The following PTPRN2 variants were observed in gnomAD, a reference collection of about 807,000 sequenced individuals.
PTPRN2 encodes the protein protein tyrosine phosphatase receptor type N2, also known as receptor-type tyrosine-protein phosphatase N2.
In PTPRN2, 74 loss-of-function variants were observed where a neutral mutation model predicts 118.8. The ratio of observed to expected loss-of-function variants is 0.62; its 90% CI spans 0.52 to 0.76. PTPRN2 has a LOEUF of 0.76. Ranked by LOEUF, PTPRN2 falls within the 30% of genes least tolerant of loss-of-function variation. PTPRN2 has a pLI of 0.00. For synonymous variants in PTPRN2, 641 were observed against 608.0 expected (o/e 1.05, Z -0.80); for missense variants, 1,481 against 1,394.4 (o/e 1.06, Z -0.99).
intron 12 of PTPRN2, among the ~76,000 whole-genome samples, chr7:157,835,040 A>G (rs929277782): frequency 6.6e-6 from 1 of 152,228 alleles, no homozygotes; most frequent in African/African-American, 2.4e-5. Context: ...GAAGCTGGAT[A>G]GATTTCTCTT....
intron 14 of PTPRN2, among the ~76,000 whole-genome samples, chr7:157,655,678 C>T (rs1424076610): frequency 6.6e-6 from 1 of 152,212 alleles, no homozygotes; most frequent in African/African-American, 2.4e-5. Context: ...CACGGTCACC[C>T]ACCAGGACGA....
Position 158,544,888 on chromosome 7 carries a change from A to G in PTPRN2, c.112+42670T>C, listed in dbSNP as rs935900839. On this transcript the variant is annotated intron_variant, in intron 1 of 22. Coordinates refer to ENST00000389418, the MANE Select transcript of PTPRN2 (RefSeq NM_002847.5). The surrounding 1 kb of genome is among the most constrained non-coding windows in gnomAD (Gnocchi z 4.2). ...TCTGCTAACACTTACACCTGCCCAC[A>G]CTGGTGCTCACACTCACGTGATCAC... 1.3e-5 allele frequency among the ~76,000 whole-genome samples: 2 copies of G among 152,104 alleles called. No individual in the cohort carries two copies. Among genetic ancestry groups the G allele is most frequent in the African/African-American group, 4.8e-5 (2 of 41,418 alleles).
At chr7:158,358,060 T>C (rs1808531754) in intron 2 of PTPRN2, among the ~76,000 whole-genome samples, 1 of 152,194 alleles carries the variant, frequency 6.6e-6, no homozygotes, top group African/African-American at 2.4e-5. Flanking sequence ...CTCCTTAGAA[T>C]GGAAGGCCCA....
intron 12 of PTPRN2, among the ~76,000 whole-genome samples, chr7:157,778,518 TATGTAAAC>T (rs1204222540): frequency 6.6e-6 from 1 of 150,944 alleles, no homozygotes; most frequent in African/African-American, 2.4e-5. Context: ...ATCGAATGCC[TATGTAAAC>T]ATGTACATGT....
At chr7:158,362,949 G>A (rs1467463950) in intron 2 of PTPRN2, among the ~76,000 whole-genome samples, 4 of 152,174 alleles carry the variant, frequency 2.6e-5, no homozygotes, top group Non-Finnish European at 4.4e-5. Context: ...TCAAAACGAC[G>A]CCACTGGAGA....
intron 1 of PTPRN2, chr7:158,532,888 C>G: frequency 4.0e-6 from 2 of 501,638 alleles, no homozygotes; most frequent in Middle Eastern, 1.2e-3. Flanking sequence ...CTTGATGGCT[C>G]AGGGACGGCC....
intron 14 of PTPRN2, among the ~76,000 whole-genome samples, chr7:157,630,961 C>A (rs555564609): frequency 2.0e-5 from 3 of 152,304 alleles, no homozygotes; most frequent in African/African-American, 7.2e-5. Flanking sequence ...ATGAAACTGG[C>A]AAAAGCCTCC....
intron 6 of PTPRN2, among the ~76,000 whole-genome samples, chr7:158,151,892 G>A (rs74389981): frequency 0.1 from 15,226 of 152,166 alleles, 1,056 homozygotes; most frequent in African/African-American, 0.2. Flanking sequence ...CCATGAATGC[G>A]GCCGGGCGCG....
At chr7:158,163,445 G>C (rs1822556865) in intron 6 of PTPRN2, among the ~76,000 whole-genome samples, 1 of 151,216 alleles carries the variant, frequency 6.6e-6, no homozygotes, top group South Asian at 2.1e-4. Flanking sequence ...GGTGACGCCT[G>C]TACCGGGTTC....
intron 11 of PTPRN2, among the ~76,000 whole-genome samples, chr7:157,985,750 C>G (rs1471358683): frequency 6.6e-6 from 1 of 152,228 alleles, no homozygotes; most frequent in South Asian, 2.1e-4. Flanking sequence ...TGCTCTTGAA[C>G]AAACTCCTGA....
At chr7:157,700,810 G>A (rs531617616) in intron 12 of PTPRN2, among the ~76,000 whole-genome samples, 1 of 152,252 alleles carries the variant, frequency 6.6e-6, no homozygotes, top group Non-Finnish European at 1.5e-5. Context: ...GTCAGCGGCC[G>A]CGAGGGCACC....
At chr7:158,408,423 G>A (rs1170043678) in intron 2 of PTPRN2, among the ~76,000 whole-genome samples, 3 of 152,208 alleles carry the variant, frequency 2.0e-5, no homozygotes, top group Non-Finnish European at 4.4e-5. Context: ...ACTTTTAAGA[G>A]AAGAAGAGGA....
intron 1 of PTPRN2, among the ~76,000 whole-genome samples, chr7:158,531,365 C>T (rs1449565650): frequency 6.6e-6 from 1 of 152,246 alleles, no homozygotes; most frequent in African/African-American, 2.4e-5. Context: ...GGCTGCCACC[C>T]TCCATGAACT....
intron 2 of PTPRN2, among the ~76,000 whole-genome samples, chr7:158,338,671 T>C (rs1199379001): frequency 5.2e-5 from 1 of 19,222 alleles, no homozygotes; most frequent in Non-Finnish European, 8.7e-5. Flanking sequence ...GTCACTCACG[T>C]ACACAGTTCT....
chr7:158,470,838 ATT>A lies in PTPRN2; in HGVS notation c.163+18895_163+18896del, dbSNP rs112598536. ...CCGTGAGATTTTATAGATCACATGG[ATT>A]TTTTTTTTTTTTAGATGAGGTCTTG... On this transcript the variant is annotated intron_variant, in intron 2 of 22. Coordinates refer to ENST00000389418, the MANE Select transcript of PTPRN2 (RefSeq NM_002847.5). Among the ~76,000 whole-genome samples the A allele has an allele frequency of 6.6e-3, 945 of 143,920 alleles. 16 individuals are homozygous for A. Among genetic ancestry groups the A allele is most frequent in the African/African-American group, 0.022 (877 of 39,344 alleles). The allele number at this position is 143,920 out of a possible 152,430, so 94.4% of individuals were successfully genotyped here.
chr7:158,205,094 A>G, intron 4 of PTPRN2, 77 bp downstream of exon 4: 1 of 1,259,196 alleles, frequency 7.9e-7, no homozygotes, highest in Non-Finnish European at 1.2e-6. Context: ...TAAAACAAAC[A>G]AACAAACAAA....
chr7:158,093,384 C>T lies in PTPRN2; in HGVS notation c.1644-12007G>A, dbSNP rs574819745. Among the ~76,000 whole-genome samples, 21 of 152,232 alleles carry T rather than the reference C, an allele frequency of 1.4e-4. 1 individual carries two copies. The highest frequency in any genetic ancestry group is 4.1e-4 in the African/African-American group (17 of 41,530). On this transcript the variant is annotated intron_variant, in intron 10 of 22. Coordinates refer to ENST00000389418, the MANE Select transcript of PTPRN2 (RefSeq NM_002847.5). This position sits in a 1 kb window ranked among gnomAD's most constrained non-coding sequence, Gnocchi z 4.4. ...CACTGTGGACCCACAGGTAGGCCTG[C>T]ACCACTGTCCTTTCCTGACTCTGTC... is the stretch of plus-strand genomic sequence containing the variant.
rs571489534 is a variant in PTPRN2 at position 158,176,052 on chromosome 7, C to T, written c.550-8761G>A. On this transcript the variant is annotated intron_variant, in intron 5 of 22. Coordinates refer to ENST00000389418, the MANE Select transcript of PTPRN2 (RefSeq NM_002847.5). ...GAGACTCGCAATGCCGTGAGGCCAG[C>T]ACTGCTCTCAGCCCACCCTACTTTG... Among the ~76,000 whole-genome samples the T allele has an allele frequency of 4.6e-5, 7 of 152,092 alleles. No homozygotes were observed. The South Asian group carries it at 1.0e-3, about 23-fold the overall frequency.
At chr7:158,279,860 C>T (rs146827228) in intron 3 of PTPRN2, among the ~76,000 whole-genome samples, 1,561 of 152,232 alleles carry the variant, frequency 0.01, 35 homozygotes, top group African/African-American at 0.035. Flanking sequence ...CCAGAGTGAG[C>T]GAGGGCTGCT....
Sources: allele counts gnomAD v4.1 joint callset (sites outside exome capture counted in the v4.1 genomes callset), GRCh38; gene constraint gnomAD v4.1.1; non-coding constraint Gnocchi (gnomAD v3.1); transcripts MANE v1.5; gene names NCBI Gene and HGNC (gene_info 2026-07-23, HGNC 2026-07-21).